ARHGAP17: variants seen among roughly 807,000 people sequenced by gnomAD.
The protein encoded by ARHGAP17 is Rho GTPase activating protein 17.
ARHGAP17 carries 57 observed loss-of-function variants against 99.5 expected under a neutral mutation model. The observed-to-expected ratio is 0.57, with a 90% CI of 0.46 to 0.71. The LOEUF (loss-of-function observed/expected upper bound fraction) is 0.71, where lower values mean the gene tolerates loss of function less well. ARHGAP17 is among the 30% of genes least tolerant of loss of function. The probability of loss-of-function intolerance (pLI) is 0.00; values close to 1 mark genes in which losing one functional copy is unlikely to be tolerated. For missense variants in ARHGAP17, 1,000 were observed against 1,122.4 expected (o/e 0.89, Z 1.56); for synonymous variants, 417 against 429.6 (o/e 0.97, Z 0.36).
chr16:24,988,251 C>A (rs548421559), intron 1 of ARHGAP17, among the ~76,000 whole-genome samples: 41 of 152,202 alleles, frequency 2.7e-4, no homozygotes, highest in African/African-American at 9.4e-4. Context: ...CTCTCTGAAA[C>A]TTTAAAAATG....
intron 1 of ARHGAP17, among the ~76,000 whole-genome samples, chr16:24,982,631 A>G (rs2052706533): frequency 6.6e-6 from 1 of 152,050 alleles, no homozygotes; most frequent in Admixed American, 6.6e-5. Flanking sequence ...TGTGGTCCAA[A>G]TGACCTGATC....
chr16:24,927,001 T>G (rs1390905331), intron 19 of ARHGAP17, among the ~76,000 whole-genome samples: 1 of 152,148 alleles, frequency 6.6e-6, no homozygotes, highest in South Asian at 2.1e-4. Flanking sequence ...CCAGGCACAA[T>G]GGCTCACACC....
chr16:24,966,448 T>A (rs1055290879), intron 6 of ARHGAP17, among the ~76,000 whole-genome samples: 1 of 152,024 alleles, frequency 6.6e-6, no homozygotes, highest in African/African-American at 2.4e-5. Context: ...GCCTGGCCAA[T>A]GTGGTGAAAC....
Position 24,968,647 on chromosome 16 carries a change from G to A in ARHGAP17, c.384+14C>T, listed in dbSNP as rs751529290. On this transcript the variant is annotated intron_variant, in intron 5 of 19. Transcript: ENST00000289968. ...CACTCTCGGCTCTTCCGTGCTGCACGGTGAAGCACCCACCTCAGCTATGCC... is the reference window on the plus strand; with the variant it reads ...CACTCTCGGCTCTTCCGTGCTGCACAGTGAAGCACCCACCTCAGCTATGCC... The A allele has an allele frequency of 9.9e-6, 16 of 1,613,220 alleles. No individual in the cohort carries two copies. Among genetic ancestry groups the A allele is most frequent in the Middle Eastern group, 1.6e-4 (1 of 6,078 alleles).
intron 15 of ARHGAP17, among the ~76,000 whole-genome samples, chr16:24,943,408 C>T (rs1382347986): frequency 6.6e-6 from 1 of 152,202 alleles, no homozygotes; most frequent in Non-Finnish European, 1.5e-5. Context: ...TCAAATCTTT[C>T]TCCATCCACC....
intron 1 of ARHGAP17, among the ~76,000 whole-genome samples, chr16:25,013,042 T>C (rs534005268): frequency 6.6e-6 from 1 of 152,112 alleles, no homozygotes; most frequent in Non-Finnish European, 1.5e-5. Flanking sequence ...ACTCTCAAGG[T>C]ATTTATCTGA....
chr16:24,969,615 A>C (rs2141314621), intron 4 of ARHGAP17, among the ~76,000 whole-genome samples: 1 of 152,318 alleles, frequency 6.6e-6, no homozygotes, highest in South Asian at 2.1e-4. Flanking sequence ...GGATTAAATG[A>C]GCTATTACTT....
chr16:24,986,713 C>G (rs984186736), intron 1 of ARHGAP17, among the ~76,000 whole-genome samples: 12 of 152,184 alleles, frequency 7.9e-5, no homozygotes, highest in Non-Finnish European at 1.5e-4. Context: ...CTGGCCAACC[C>G]CAGGTCTCTA....
intron 1 of ARHGAP17, among the ~76,000 whole-genome samples, chr16:25,002,143 G>T (rs1236873378): frequency 6.6e-6 from 1 of 151,582 alleles, no homozygotes; most frequent in Non-Finnish European, 1.5e-5. Context: ...CAATGGAATA[G>T]AATAGAAAGC....
chr16:24,986,348 C>A (rs6497765), intron 1 of ARHGAP17, among the ~76,000 whole-genome samples: 48,062 of 151,612 alleles, frequency 0.32, 7,828 homozygotes, highest in East Asian at 0.5. Flanking sequence ...ACCCAGAGGG[C>A]CTGACTAGCA....
At chr16:24,973,953 G>A (rs754755386) in intron 3 of ARHGAP17, among the ~76,000 whole-genome samples, 1 of 152,182 alleles carries the variant, frequency 6.6e-6, no homozygotes, top group Non-Finnish European at 1.5e-5. Flanking sequence ...GGGTGTGAAC[G>A]GGAAGCAGCA....
Position 24,954,718 on chromosome 16 carries a change from T to C in ARHGAP17, c.737A>G (p.Glu246Gly). ...EMRAHQDKWA[E>G]KPAFGTPLEE... is the part of the protein sequence containing the mutation. ...TAGGGGAGTCCCAAAGGCTGGTTTT[T>C]CCGCCCACTTATCTAGAGCAGCAAA... The change falls in exon 10 of 20, where the codon GAA (glutamate) becomes GGA (glycine). Residue 246 changes from glutamate to glycine, a missense_variant. By Grantham distance (98) the Glu-to-Gly change is moderately conservative. Around this residue, in one of 2 missense-constraint regions of ARHGAP17, gnomAD observed 472 missense variants for 611.1 expected, o/e 0.77. Transcript: ENST00000289968. The C allele has an allele frequency of 6.2e-7, 1 of 1,613,968 alleles. No homozygotes were observed. Among genetic ancestry groups the C allele is most frequent in the Non-Finnish European group, 8.5e-7 (1 of 1,179,908 alleles).
intron 1 of ARHGAP17, among the ~76,000 whole-genome samples, chr16:24,992,414 C>G (rs553689873): frequency 2.0e-5 from 3 of 152,166 alleles, no homozygotes; most frequent in Non-Finnish European, 4.4e-5. Flanking sequence ...TGACTCACTG[C>G]AACCTCCACC....
At chr16:25,014,945 G>C (rs2053743523) in intron 1 of ARHGAP17, among the ~76,000 whole-genome samples, 1 of 152,136 alleles carries the variant, frequency 6.6e-6, no homozygotes, top group African/African-American at 2.4e-5. Context: ...ATGGGCAGGG[G>C]ACCCCGCGGT....
In ARHGAP17 at chr16:24,958,804, C is replaced by T. The variant is rs550327824; in HGVS notation, c.724+867G>A. 3.9e-5 allele frequency among the ~76,000 whole-genome samples: 6 copies of T among 152,232 alleles called. No homozygotes were observed. In the South Asian group the frequency reaches 1.0e-3, roughly 26 times the overall value. ...TCGGTCTCAAAATCACAAAGTCATCCCACTCAGCACCTGGCCTGATCCCCT... is the reference window on the plus strand; with the variant it reads ...TCGGTCTCAAAATCACAAAGTCATCTCACTCAGCACCTGGCCTGATCCCCT... On this transcript the variant is annotated intron_variant, in intron 9 of 19. Transcript: ENST00000289968.
intron 12 of ARHGAP17, among the ~76,000 whole-genome samples, chr16:24,950,002 C>T (rs760070601): frequency 9.9e-5 from 15 of 152,076 alleles, no homozygotes; most frequent in African/African-American, 1.9e-4. Flanking sequence ...ACTCCACAGG[C>T]GCAACGTACA....
At chr16:25,001,103 T>A (rs10521131) in intron 1 of ARHGAP17, among the ~76,000 whole-genome samples, 39,549 of 152,114 alleles carry the variant, frequency 0.26, 6,018 homozygotes, top group East Asian at 0.51. Context: ...CTACACACTA[T>A]TTTGGAGTCT....
chr16:24,945,868 G>A (rs558431129), intron 14 of ARHGAP17, among the ~76,000 whole-genome samples: 291 of 152,256 alleles, frequency 1.9e-3, no homozygotes, highest in Admixed American at 3.9e-3. Context: ...TCCAGAACCT[G>A]GGCACACCAG....
intron 9 of ARHGAP17, among the ~76,000 whole-genome samples, chr16:24,957,924 A>G (rs562182673): frequency 6.6e-6 from 1 of 152,310 alleles, no homozygotes; most frequent in Non-Finnish European, 1.5e-5. Flanking sequence ...CTTTTTTTAT[A>G]TAGTAAGGAC....
Sources: allele counts gnomAD v4.1 joint callset (sites outside exome capture counted in the v4.1 genomes callset), GRCh38; gene constraint gnomAD v4.1.1; regional missense constraint gnomAD v4.1.1; transcripts MANE v1.5; gene names NCBI Gene and HGNC (gene_info 2026-07-23, HGNC 2026-07-21).